PDIA5: variants seen among roughly 807,000 people sequenced by gnomAD.
PDIA5 encodes the protein protein disulfide-isomerase A5.
PDIA5 carries 58 observed loss-of-function variants against 77.6 expected under a neutral mutation model. The ratio of observed to expected loss-of-function variants is 0.75; its 90% CI spans 0.61 to 0.93. The LOEUF (loss-of-function observed/expected upper bound fraction) is 0.93, where lower values mean the gene tolerates loss of function less well. Ranked by LOEUF, PDIA5 falls within the 40% of genes least tolerant of loss-of-function variation. The probability of loss-of-function intolerance (pLI) is 0.00; values close to 1 mark genes in which losing one functional copy is unlikely to be tolerated. For missense variants in PDIA5, 630 were observed against 647.7 expected (o/e 0.97, Z 0.30); for synonymous variants, 250 against 252.1 (o/e 0.99, Z 0.08).
intron 1 of PDIA5, among the ~76,000 whole-genome samples, chr3:123,071,863 G>A (rs1933733701): frequency 6.6e-6 from 1 of 152,184 alleles, no homozygotes; most frequent in South Asian, 2.1e-4. Context: ...GTCCGTGTTT[G>A]GCTGATGGAA....
intron 3 of PDIA5, among the ~76,000 whole-genome samples, chr3:123,101,165 C>T (rs1328889081): frequency 1.3e-5 from 2 of 152,176 alleles, no homozygotes; most frequent in Non-Finnish European, 2.9e-5. Context: ...AGAACATGAG[C>T]CAGTGAAGGA....
intron 12 of PDIA5, 136 bp from the exon 13 acceptor site, chr3:123,145,963 G>A (rs958224563): frequency 1.3e-6 from 1 of 758,068 alleles, no homozygotes; most frequent in African/African-American, 1.7e-5. Flanking sequence ...TGGGATATGG[G>A]AGCCCACTGG....
At chr3:123,137,850 G>A (rs1001879220) in intron 11 of PDIA5, among the ~76,000 whole-genome samples, 3 of 151,894 alleles carry the variant, frequency 2.0e-5, no homozygotes, top group Non-Finnish European at 4.4e-5. Context: ...TTCTCCCTTA[G>A]GATATTAAAA....
intron 11 of PDIA5, among the ~76,000 whole-genome samples, chr3:123,139,330 G>A (rs554304267): frequency 1.3e-5 from 2 of 152,216 alleles, no homozygotes; most frequent in South Asian, 2.1e-4. Flanking sequence ...CATCACCCAC[G>A]GCTCCCCAAG....
intron 1 of PDIA5, among the ~76,000 whole-genome samples, chr3:123,072,948 G>GTGTGTGTGTGTGTGT (rs377523246): frequency 7.4e-5 from 11 of 149,474 alleles, no homozygotes; most frequent in African/African-American, 1.5e-4. Flanking sequence ...GTGTGTATGT[G>GTGTGTGTGTGTGTGT]GTGTTGTTGT....
intron 7 of PDIA5, among the ~76,000 whole-genome samples, chr3:123,114,485 G>C (rs1195428578): frequency 6.6e-6 from 1 of 152,220 alleles, no homozygotes; most frequent in Non-Finnish European, 1.5e-5. Flanking sequence ...CCGAGGCTTG[G>C]AGAGCCCAGG....
At chr3:123,085,273 T>C (rs1317199622) in intron 1 of PDIA5, among the ~76,000 whole-genome samples, 1 of 152,160 alleles carries the variant, frequency 6.6e-6, no homozygotes, top group African/African-American at 2.4e-5. Flanking sequence ...CCTCCAGAGC[T>C]CTTAATCTTG....
rs746309681 is a variant in PDIA5, at chr3:123,106,752, A to G, written c.391A>G (p.Ile131Val). The change falls in exon 6 of 17, where the codon ATA (isoleucine) becomes GTA (valine). Residue 131 changes from isoleucine (I) to valine (V), a missense_variant. Ile to Val is a conservative substitution (Grantham distance 29, BLOSUM62 3). Coordinates refer to ENST00000316218, the MANE Select transcript of PDIA5 (RefSeq NM_006810.4). The part of the protein sequence containing the change: ...EYNRAVTFKS[I>V]VAFLKDPKGP... ...TCTTCTCTTTTTTTTCCCTCAGTCC[A>G]TAGTGGCCTTTTTGAAGGATCCAAA... is the stretch of plus-strand genomic sequence containing the variant. The G allele has an allele frequency of 1.9e-6, 3 of 1,607,952 alleles. No homozygotes were observed. The South Asian group carries it at 3.3e-5, about 18-fold the overall frequency.
intron 1 of PDIA5, among the ~76,000 whole-genome samples, chr3:123,068,467 C>A (rs908103111): frequency 6.6e-5 from 10 of 152,156 alleles, no homozygotes; most frequent in African/African-American, 2.2e-4. Context: ...CACTTAATTG[C>A]GTCTGGGTTT....
rs564673365 is a variant in PDIA5, at chr3:123,079,794, T to C, written c.43-9374T>C. The stretch of plus-strand genomic sequence containing the variant: ...AGTTGAGGTTTCTGCCAGCAGTATA[T>C]GACAGTTGGGCTCCATATTTTAAGA... On this transcript the variant is annotated intron_variant, in intron 1 of 16. Transcript: ENST00000316218. Among the ~76,000 whole-genome samples the C allele has an allele frequency of 6.6e-5, 10 of 152,308 alleles. No homozygotes were observed. The South Asian group carries it at 8.3e-4, about 13-fold the overall frequency.
At chr3:123,118,113 C>T (rs150463998) in intron 8 of PDIA5, among the ~76,000 whole-genome samples, 1,876 of 152,320 alleles carry the variant, frequency 0.012, 28 homozygotes, top group Non-Finnish European at 0.018. Context: ...GCCCTGCTCG[C>T]CAAGCTGCAA....
intron 1 of PDIA5, among the ~76,000 whole-genome samples, chr3:123,073,385 C>T (rs1046415182): frequency 6.6e-6 from 1 of 152,132 alleles, no homozygotes; most frequent in African/African-American, 2.4e-5. Flanking sequence ...TAAGCAGCTG[C>T]GTTGGCAGCC....
intron 3 of PDIA5, among the ~76,000 whole-genome samples, chr3:123,094,855 A>AGGGTT (rs1355185580): frequency 6.6e-6 from 1 of 152,074 alleles, no homozygotes; most frequent in Non-Finnish European, 1.5e-5. Context: ...CTGCCCACGA[A>AGGGTT]GGGTTGGTGG....
At chr3:123,076,462 A>G (rs1176175686) in intron 1 of PDIA5, among the ~76,000 whole-genome samples, 4 of 152,084 alleles carry the variant, frequency 2.6e-5, no homozygotes, top group Non-Finnish European at 5.9e-5. Context: ...TACCTGTGCT[A>G]CTCACTGATG....
intron 1 of PDIA5, among the ~76,000 whole-genome samples, chr3:123,078,203 T>C (rs1334272625): frequency 2.6e-5 from 4 of 152,144 alleles, no homozygotes; most frequent in Non-Finnish European, 4.4e-5. Flanking sequence ...AGATTCCATA[T>C]AATAGTTATG....
In PDIA5 at chr3:123,130,501, G is replaced by A. The variant is rs528236629; in HGVS notation, c.795G>A (p.Gln265=). 8 of 1,614,040 alleles carry A rather than the reference G, an allele frequency of 5.0e-6. No homozygotes were observed. Among genetic ancestry groups the A allele is most frequent in the Admixed American group, 1.7e-5 (1 of 60,012 alleles). The change falls in exon 11 of 17, where the codon CAG becomes CAA. Residue 265 remains glutamine (Q), a synonymous_variant. Coordinates refer to ENST00000316218, the MANE Select transcript of PDIA5 (RefSeq NM_006810.4). The stretch of plus-strand genomic sequence containing the variant: ...CCAGTCCGCAGCCGCCACAGCCCCA[G>A]GTCCCTGAGACTCCCTGGGCAGATG... ...WLKNPQPPQP[Q]VPETPWADEG... is the part of the protein sequence containing the mutation.
intron 3 of PDIA5, among the ~76,000 whole-genome samples, chr3:123,098,944 C>T (rs1018428388): frequency 6.6e-6 from 1 of 152,214 alleles, no homozygotes; most frequent in Non-Finnish European, 1.5e-5. Flanking sequence ...TGTACTTAAT[C>T]TCTCAACTCA....
chr3:123,156,366 G>A (rs529860618), intron 15 of PDIA5, among the ~76,000 whole-genome samples: 5 of 152,344 alleles, frequency 3.3e-5, no homozygotes, highest in African/African-American at 1.2e-4. Flanking sequence ...CCAGAAGGGA[G>A]TACAAGGACC....
chr3:123,141,386 C>T (rs578003963), intron 11 of PDIA5, among the ~76,000 whole-genome samples: 1 of 152,322 alleles, frequency 6.6e-6, no homozygotes, highest in East Asian at 1.9e-4. Context: ...CCCAGTGTGT[C>T]CTCCACTATG....
Sources: allele counts gnomAD v4.1 joint callset (sites outside exome capture counted in the v4.1 genomes callset), GRCh38; gene constraint gnomAD v4.1.1; transcripts MANE v1.5; gene names NCBI Gene and HGNC (gene_info 2026-07-23, HGNC 2026-07-21).